NRP1: variants seen among roughly 807,000 people sequenced by gnomAD.
The protein encoded by NRP1 is neuropilin 1.
NRP1 carries 35 observed loss-of-function variants against 106.7 expected under a neutral mutation model. The ratio of observed to expected loss-of-function variants is 0.33; its 90% CI spans 0.25 to 0.43. NRP1 has a LOEUF of 0.43. Ranked by LOEUF, NRP1 falls within the 20% of genes least tolerant of loss-of-function variation. The pLI, the probability that NRP1 is intolerant of heterozygous loss-of-function variation, is 1.00. For missense variants in NRP1, 1,024 were observed against 1,170.4 expected (o/e 0.87, Z 1.83); for synonymous variants, 437 against 417.9 (o/e 1.05, Z -0.56).
At chr10:33,326,945 A>G (rs568188922) in intron 2 of NRP1, among the ~76,000 whole-genome samples, 1 of 152,182 alleles carries the variant, frequency 6.6e-6, no homozygotes, top group Admixed American at 6.5e-5. Flanking sequence ...ACATAAAACA[A>G]TAAAAATCTA....
chr10:33,265,421 T>C (rs1017038691), intron 3 of NRP1, among the ~76,000 whole-genome samples: 1 of 152,210 alleles, frequency 6.6e-6, no homozygotes, highest in Non-Finnish European at 1.5e-5. Flanking sequence ...TTTGTTGAGA[T>C]TGTTCTTAAC....
At chr10:33,244,275 A>G (rs995111458) in intron 6 of NRP1, among the ~76,000 whole-genome samples, 11 of 152,154 alleles carry the variant, frequency 7.2e-5, no homozygotes, top group Admixed American at 6.6e-4. Context: ...AAAGCTTAGG[A>G]GTTGGTGTGT....
intron 2 of NRP1, among the ~76,000 whole-genome samples, chr10:33,271,738 T>G (rs569707760): frequency 6.6e-6 from 1 of 152,216 alleles, no homozygotes; most frequent in Non-Finnish European, 1.5e-5. Context: ...TGGATCTTAT[T>G]TATCTTTAAA....
chr10:33,333,110 A>G (rs1848402115), intron 1 of NRP1, among the ~76,000 whole-genome samples: 1 of 152,200 alleles, frequency 6.6e-6, no homozygotes, highest in South Asian at 2.1e-4. Context: ...AGATGCTACC[A>G]GCTCAGGTTC....
At chr10:33,195,429 T>A (rs968253178) in intron 12 of NRP1, 3 of 500,870 alleles carry the variant, frequency 6.0e-6, no homozygotes, top group Non-Finnish European at 1.2e-5. Context: ...AAATATTATA[T>A]GCCCATGGAG....
intron 8 of NRP1, among the ~76,000 whole-genome samples, chr10:33,218,193 A>C (rs191870621): frequency 6.6e-6 from 1 of 152,338 alleles, no homozygotes; most frequent in East Asian, 1.9e-4. Flanking sequence ...CTCTGCCAAA[A>C]TGATGAAGCC....
chr10:33,296,282 AG>A (rs1845379255), intron 2 of NRP1, among the ~76,000 whole-genome samples: 2 of 152,344 alleles, frequency 1.3e-5, no homozygotes, highest in South Asian at 2.1e-4. Context: ...CCAGACAGGA[AG>A]GCCTGTTTGA....
chr10:33,227,460 C>T (rs1839762680), intron 6 of NRP1, among the ~76,000 whole-genome samples: 1 of 152,124 alleles, frequency 6.6e-6, no homozygotes, highest in Non-Finnish European at 1.5e-5. Context: ...ATTTCTGTTT[C>T]AGCTTTAGAT....
rs112595410 is a variant in NRP1, at chr10:33,300,854, T to C, written c.248+29854A>G. Among the ~76,000 whole-genome samples the C allele has an allele frequency of 6.0e-3, 910 of 152,312 alleles. 12 individuals carry two copies. The highest frequency in any genetic ancestry group is 0.02 in the African/African-American group (824 of 41,562). ...CCAATGTTCATCTTACATATGTTGATTGATGTCTCATGTCTCCCTAAAATG... is the reference window on the plus strand; with the variant it reads ...CCAATGTTCATCTTACATATGTTGACTGATGTCTCATGTCTCCCTAAAATG... On this transcript the variant is annotated intron_variant, in intron 2 of 16. Coordinates refer to ENST00000374867, the MANE Select transcript of NRP1 (RefSeq NM_003873.7).
intron 3 of NRP1, among the ~76,000 whole-genome samples, chr10:33,269,861 T>A (rs987593625): frequency 6.6e-6 from 1 of 152,178 alleles, no homozygotes; most frequent in African/African-American, 2.4e-5. Context: ...CTGTCTCCCA[T>A]CACCTGTATA....
At chr10:33,192,927 G>T (rs1422240209) in intron 12 of NRP1, among the ~76,000 whole-genome samples, 3 of 152,148 alleles carry the variant, frequency 2.0e-5, no homozygotes, top group African/African-American at 7.2e-5. Flanking sequence ...TCATGCTTCA[G>T]GTCTTTAATG....
At chr10:33,310,263 T>TTTTTCGAGACAGAGTCTTGC (rs1846497552) in intron 2 of NRP1, among the ~76,000 whole-genome samples, 1 of 145,068 alleles carries the variant, frequency 6.9e-6, no homozygotes, top group Non-Finnish European at 1.5e-5. Flanking sequence ...TTTTTTTTTT[T>TTTTTCGAGACAGAGTCTTGC]TTTTCGAGAC....
intron 2 of NRP1, among the ~76,000 whole-genome samples, chr10:33,309,669 T>A (rs1846430106): frequency 1.3e-5 from 2 of 152,322 alleles, no homozygotes; most frequent in South Asian, 4.1e-4. Context: ...AACTGGTACC[T>A]CTCTCATAAC....
In NRP1 at chr10:33,264,969, G is replaced by A. The variant is rs543190206; in HGVS notation, c.431-1096C>T. Among the ~76,000 whole-genome samples, 13 of 152,114 alleles carry A rather than the reference G, an allele frequency of 8.5e-5. No homozygotes were observed. The East Asian group carries it at 2.5e-3, about 30-fold the overall frequency. On this transcript the variant is annotated intron_variant, in intron 3 of 16. Transcript: ENST00000374867. Reference sequence around the variant, plus strand: ...TACTAAAAATAGAAAAATTAGCTGGGCGTGGTCGTGGGCACCTGTAATCCC... The same window carrying A: ...TACTAAAAATAGAAAAATTAGCTGGACGTGGTCGTGGGCACCTGTAATCCC...
chr10:33,222,498 G>GATTT (rs35691858), intron 7 of NRP1, among the ~76,000 whole-genome samples: 5,241 of 103,978 alleles, frequency 0.05, 147 homozygotes, highest in African/African-American at 0.09. Flanking sequence ...TGTGCGTCAA[G>GATTT]ATTTATTTAT....
intron 11 of NRP1, among the ~76,000 whole-genome samples, chr10:33,199,391 T>A (rs9286722): frequency 0.021 from 521 of 24,482 alleles, 1 homozygote; most frequent in Non-Finnish European, 0.023. Context: ...ATATATATAT[T>A]TTTTTTTTTT....
intron 6 of NRP1, among the ~76,000 whole-genome samples, chr10:33,249,084 GTTTTTTTTTTT>G (rs750905931): frequency 1.4e-5 from 1 of 72,198 alleles, no homozygotes; most frequent in African/African-American, 5.8e-5. Flanking sequence ...TATGTCTCTT[GTTTTTTTTTTT>G]TTTTTTTTTT....
chr10:33,182,326 CTG>C (rs1412696552), intron 16 of NRP1, among the ~76,000 whole-genome samples: 7 of 152,144 alleles, frequency 4.6e-5, no homozygotes, highest in Non-Finnish European at 2.9e-5. Flanking sequence ...TTTCAAATAA[CTG>C]TGTATGGAAA....
intron 2 of NRP1, among the ~76,000 whole-genome samples, chr10:33,294,598 C>T (rs1278805044): frequency 8.8e-6 from 1 of 114,220 alleles, no homozygotes; most frequent in Non-Finnish European, 1.8e-5. Context: ...GCCTGGACAA[C>T]AAGAGTGAAA....
Sources: allele counts gnomAD v4.1 joint callset (sites outside exome capture counted in the v4.1 genomes callset), GRCh38; gene constraint gnomAD v4.1.1; transcripts MANE v1.5; gene names NCBI Gene and HGNC (gene_info 2026-07-23, HGNC 2026-07-21).